The following CCDC141 variants were observed in gnomAD, a reference collection of about 807,000 sequenced individuals.
CCDC141 encodes coiled-coil domain-containing protein 141.
CCDC141 carries 168 observed loss-of-function variants against 181.0 expected under a neutral mutation model. That is an observed-to-expected ratio of 0.93 (90% CI 0.82 to 1.05). The LOEUF (loss-of-function observed/expected upper bound fraction) is 1.05. CCDC141 is among the 50% of genes least tolerant of loss of function. The probability of loss-of-function intolerance (pLI) is 0.00; values close to 1 mark genes in which losing one functional copy is unlikely to be tolerated. For synonymous variants in CCDC141, 666 were observed against 642.3 expected, an observed-to-expected ratio of 1.04 and a Z score of -0.56; for missense variants, 1,902 against 1,788.5, an observed-to-expected ratio of 1.06 and a Z score of -1.14.
intron 7 of CCDC141, among the ~76,000 whole-genome samples, chr2:178,911,196 T>C (rs982005200): frequency 3.9e-5 from 6 of 152,234 alleles, no homozygotes; most frequent in African/African-American, 1.4e-4. Flanking sequence ...GTGCTGGGAA[T>C]GTGAAAATGA....
rs113830580 is a variant in CCDC141 at position 178,851,130 on chromosome 2, C to T, written c.3245-969G>A. Among the ~76,000 whole-genome samples the T allele has an allele frequency of 4.7e-5, 7 of 149,468 alleles. No individual in the cohort carries two copies. The East Asian group carries it at 7.9e-4, about 17-fold the overall frequency. ...CTGAGGCAGGAGAATCACTTGAACC[C>T]GGGAGGTGGAGGTTTCAGTGAACCG... On this transcript the variant is annotated intron_variant, in intron 20 of 23. Coordinates refer to ENST00000443758, the MANE Select transcript of CCDC141 (RefSeq NM_173648.4).
In CCDC141 at chr2:178,837,706, T is replaced by G; in HGVS notation, c.3513A>C (p.Gly1171=). Residue 1171 remains glycine, a synonymous_variant, in exon 23 of 24, where the codon GGA becomes GGC. Transcript: ENST00000443758. ...VQVADLLGIN[G]TGEERLPQDL... ...CTTGTGGTAGTCGCTCTTCCCCTGT[T>G]CCATTGATGCCCAAAAGATCTGCCA... is the stretch of plus-strand genomic sequence containing the variant. 1 of 1,613,428 alleles carries G rather than the reference T, an allele frequency of 6.2e-7. No homozygotes were observed. The highest frequency in any genetic ancestry group is 8.5e-7 in the Non-Finnish European group (1 of 1,179,650).
chr2:178,967,502 C>T (rs760381654), intron 4 of CCDC141, among the ~76,000 whole-genome samples: 9 of 151,978 alleles, frequency 5.9e-5, no homozygotes, highest in South Asian at 2.1e-4. Context: ...GCTTCATAAG[C>T]GAAGGAGAAA....
chr2:178,935,248 A>G (rs1463857282), intron 6 of CCDC141, among the ~76,000 whole-genome samples: 1 of 152,086 alleles, frequency 6.6e-6, no homozygotes, highest in Non-Finnish European at 1.5e-5. Flanking sequence ...CCCAATAGTT[A>G]TCTTTTCTGC....
intron 2 of CCDC141, among the ~76,000 whole-genome samples, chr2:179,032,286 T>G (rs547031964): frequency 6.6e-6 from 1 of 152,132 alleles, no homozygotes; most frequent in Non-Finnish European, 1.5e-5. Context: ...TTCTGGCCAG[T>G]TTTCCCCTCT....
At position 178,905,501 on chromosome 2, in the gene CCDC141, C is replaced by A. The variant is rs1265229262; in HGVS notation, c.1093G>T (p.Ala365Ser). ...TCAACTCTTCCAAGTACATCAAATG[C>A]CTGCCAAAGAAAACATACTTTTATT... is the stretch of plus-strand genomic sequence containing the variant. ...ANEFFNSANKAFDVLGRVEAY... is the reference protein window; with the variant it reads ...ANEFFNSANKSFDVLGRVEAY... Residue 365 changes from alanine (A) to serine (S), a missense_variant and splice_region_variant, in exon 8 of 24, where the codon GCA (alanine) becomes TCA (serine). Physicochemically the swap from Ala to Ser is moderately conservative, Grantham distance 99. Transcript: ENST00000443758. 1 of 1,540,858 alleles carries A rather than the reference C, an allele frequency of 6.5e-7. No individual in the cohort carries two copies. The highest frequency in any genetic ancestry group is 1.4e-5 in the African/African-American group (1 of 72,502).
intron 5 of CCDC141, among the ~76,000 whole-genome samples, chr2:178,954,180 T>C (rs1248683385): frequency 6.6e-6 from 1 of 152,234 alleles, no homozygotes; most frequent in Non-Finnish European, 1.5e-5. Flanking sequence ...TATTTGTTTT[T>C]CTCACTTATG....
At chr2:179,031,077 T>C (rs2042986716) in intron 2 of CCDC141, among the ~76,000 whole-genome samples, 1 of 152,110 alleles carries the variant, frequency 6.6e-6, no homozygotes. Flanking sequence ...GTATAAAGTG[T>C]ATACAGGACT....
chr2:178,817,519 G>A, the CCDC141 span: 4 of 470,978 alleles, frequency 8.5e-6, no homozygotes, highest in South Asian at 6.2e-5. Flanking sequence ...AAAACCACAT[G>A]ACCTACTTCA....
chr2:178,844,499 A>G (rs1263490702), intron 22 of CCDC141, among the ~76,000 whole-genome samples: 2 of 152,216 alleles, frequency 1.3e-5, no homozygotes, highest in Admixed American at 6.5e-5. Context: ...ATACAAGAGT[A>G]GCATCCAGCA....
chr2:178,997,745 G>A (rs1172008273), intron 2 of CCDC141, among the ~76,000 whole-genome samples: 5 of 152,076 alleles, frequency 3.3e-5, no homozygotes, highest in Non-Finnish European at 5.9e-5. Flanking sequence ...TAACACCCTC[G>A]AAGTCTTCTC....
intron 2 of CCDC141, among the ~76,000 whole-genome samples, chr2:178,989,703 C>A (rs1691950297): frequency 6.6e-6 from 1 of 150,478 alleles, no homozygotes; most frequent in Admixed American, 6.6e-5. Flanking sequence ...AAAGACATTT[C>A]TCCAACAAAG....
intron 8 of CCDC141, among the ~76,000 whole-genome samples, chr2:178,902,286 C>T (rs1014099260): frequency 6.6e-6 from 1 of 152,126 alleles, no homozygotes; most frequent in African/African-American, 2.4e-5. Context: ...AAAAAAGAGC[C>T]TGCATCGCCA....
chr2:178,918,302 G>C (rs1021423808), intron 7 of CCDC141, among the ~76,000 whole-genome samples: 3 of 152,118 alleles, frequency 2.0e-5, no homozygotes, highest in African/African-American at 4.8e-5. Context: ...CAGCTACGTG[G>C]GAGGCTGAGG....
At chr2:178,960,444 G>A (rs993904075) in intron 5 of CCDC141, among the ~76,000 whole-genome samples, 1 of 152,098 alleles carries the variant, frequency 6.6e-6, no homozygotes, top group Non-Finnish European at 1.5e-5. Context: ...CCTCTTTCCT[G>A]TGTATCTAGG....
intron 8 of CCDC141, among the ~76,000 whole-genome samples, chr2:178,891,900 T>C (rs77363430): frequency 0.014 from 2,202 of 152,200 alleles, 65 homozygotes; most frequent in African/African-American, 0.05. Context: ...ATAAATGGTG[T>C]CCTATTTATT....
intron 6 of CCDC141, among the ~76,000 whole-genome samples, chr2:178,924,480 G>C (rs1688836545): frequency 6.6e-6 from 1 of 151,782 alleles, no homozygotes; most frequent in South Asian, 2.1e-4. Flanking sequence ...TTGAAAGTCT[G>C]CTTAAGATTT....
At chr2:179,009,280 C>T (rs1379713045) in intron 2 of CCDC141, among the ~76,000 whole-genome samples, 1 of 152,146 alleles carries the variant, frequency 6.6e-6, no homozygotes, top group Non-Finnish European at 1.5e-5. Context: ...AAATGTCCAA[C>T]TTCTGATGTC....
chr2:178,873,819 C>T (rs917023384), intron 12 of CCDC141: 5 of 152,100 alleles, frequency 3.3e-5, no homozygotes, highest in African/African-American at 4.8e-5. Context: ...ATTCATTTTT[C>T]GTTTATATTC....
Sources: allele counts gnomAD v4.1 joint callset (sites outside exome capture counted in the v4.1 genomes callset), GRCh38; gene constraint gnomAD v4.1.1; transcripts MANE v1.5; gene names NCBI Gene and HGNC (gene_info 2026-07-23, HGNC 2026-07-21).